The following CTNND2 variants were observed in gnomAD, a reference collection of about 807,000 sequenced individuals.
CTNND2 encodes the protein catenin delta-2.
Under a neutral mutation model 144.4 loss-of-function variants are expected in CTNND2, and 22 were observed. That is an observed-to-expected ratio of 0.15 (90% CI 0.11 to 0.22). CTNND2 has a LOEUF of 0.22. CTNND2 is among the 10% of genes least tolerant of loss of function. The pLI, the probability that CTNND2 is intolerant of heterozygous loss-of-function variation, is 1.00. For synonymous variants in CTNND2, 751 were observed against 695.6 expected (o/e 1.08, Z -1.25); for missense variants, 1,353 against 1,618.8 (o/e 0.84, Z 2.82).
chr5:11,649,265 C>T (rs937051355), intron 2 of CTNND2, among the ~76,000 whole-genome samples: 1 of 152,104 alleles, frequency 6.6e-6, no homozygotes, highest in South Asian at 2.1e-4. Context: ...AATTTGTACC[C>T]TATATAACTG....
chr5:11,390,705 A>G (rs973195056), intron 6 of CTNND2, among the ~76,000 whole-genome samples: 34 of 152,334 alleles, frequency 2.2e-4, no homozygotes, highest in African/African-American at 8.2e-4. Flanking sequence ...CAGCCGGGCC[A>G]ACAGTGTCAG....
At chr5:10,992,471 G>C (rs1029941082) in intron 19 of CTNND2, 80 bp downstream of exon 19, 7 of 1,591,166 alleles carry the variant, frequency 4.4e-6, no homozygotes, top group Non-Finnish European at 6.0e-6. Context: ...TCTGAGTACG[G>C]GTTGGCTCAC....
intron 2 of CTNND2, chr5:11,589,076 C>T: frequency 1.0e-6 from 1 of 972,882 alleles, no homozygotes; most frequent in Non-Finnish European, 1.2e-6. Flanking sequence ...TGGTTGCTGT[C>T]TTAAAAGAGA....
intron 9 of CTNND2, among the ~76,000 whole-genome samples, chr5:11,258,754 G>A (rs1744545113): frequency 6.6e-6 from 1 of 152,156 alleles, no homozygotes; most frequent in African/African-American, 2.4e-5. Flanking sequence ...AGGATTTTAG[G>A]TCATTATTAA....
chr5:11,698,438 G>A (rs56320806), intron 2 of CTNND2, among the ~76,000 whole-genome samples: 19,867 of 151,672 alleles, frequency 0.13, 4,323 homozygotes, highest in African/African-American at 0.46. Context: ...AAAGGCATGC[G>A]CCACCACGTC....
chr5:11,267,599 T>G (rs917095672), intron 9 of CTNND2, among the ~76,000 whole-genome samples: 8 of 152,206 alleles, frequency 5.3e-5, no homozygotes, highest in Non-Finnish European at 1.2e-4. Context: ...ACCAATCTAT[T>G]TGCCCAGCCC....
intron 7 of CTNND2, among the ~76,000 whole-genome samples, chr5:11,377,194 G>T (rs747065233): frequency 3.3e-5 from 5 of 151,866 alleles, no homozygotes; most frequent in Non-Finnish European, 7.4e-5. Flanking sequence ...GGGATTACAG[G>T]CACGCGCCGC....
chr5:11,722,832 G>A (rs567406849), intron 2 of CTNND2, among the ~76,000 whole-genome samples: 6 of 152,262 alleles, frequency 3.9e-5, no homozygotes, highest in Admixed American at 6.5e-5. Flanking sequence ...TGACATTTCG[G>A]TGAGGACACA....
intron 2 of CTNND2, among the ~76,000 whole-genome samples, chr5:11,651,456 T>C (rs1230492285): frequency 6.6e-6 from 1 of 152,226 alleles, no homozygotes; most frequent in Non-Finnish European, 1.5e-5. Context: ...AATGTGAGGT[T>C]GGATCCCCCA....
At chr5:11,535,928 C>G (rs1234641584) in intron 3 of CTNND2, among the ~76,000 whole-genome samples, 1 of 152,206 alleles carries the variant, frequency 6.6e-6, no homozygotes, top group Admixed American at 6.5e-5. Context: ...CTTTCCTCAT[C>G]TGTAAAACAT....
chr5:11,381,875 G>A (rs944444936), intron 7 of CTNND2, among the ~76,000 whole-genome samples: 6 of 152,162 alleles, frequency 3.9e-5, no homozygotes, highest in Non-Finnish European at 7.3e-5. Context: ...GCTAAGGCAG[G>A]AGAATGGCGT....
chr5:11,257,621 T>C (rs933186302), intron 9 of CTNND2, among the ~76,000 whole-genome samples: 1 of 152,140 alleles, frequency 6.6e-6, no homozygotes, highest in African/African-American at 2.4e-5. Flanking sequence ...AAACCACCCT[T>C]ATGATTCAAT....
chr5:10,994,200 A>T (rs1367085017), intron 18 of CTNND2, among the ~76,000 whole-genome samples: 1 of 138,372 alleles, frequency 7.2e-6, no homozygotes, highest in East Asian at 2.1e-4. Context: ...GCTTGGAAGG[A>T]AAAACCAAGC....
intron 16 of CTNND2, among the ~76,000 whole-genome samples, chr5:11,069,784 G>C (rs1368974609): frequency 6.6e-6 from 1 of 152,170 alleles, no homozygotes; most frequent in East Asian, 1.9e-4. Flanking sequence ...GGAGTATAGA[G>C]AAATCTTTGG....
chr5:11,110,920 T>C lies in CTNND2; in HGVS notation c.2401A>G (p.Lys801Glu). 6.2e-7 allele frequency: 1 copy of C among 1,614,162 alleles called. No homozygotes were observed. The highest frequency in any genetic ancestry group is 8.5e-7 in the Non-Finnish European group (1 of 1,180,024). The change falls in exon 14 of 22, where the codon AAG becomes GAG. Residue 801 changes from lysine to glutamate, a missense_variant. This residue lies in a region of CTNND2 where 459 missense variants were observed against 674.3 expected (regional missense o/e 0.68). Transcript: ENST00000304623. The stretch of plus-strand genomic sequence containing the variant: ...CAGCACCCAGAGCTCTCAGCATCCT[T>C]GCCATTGGCCTCGCCACAGAGTAGC... The part of the protein sequence containing the change: ...DGLLCGEANG[K>E]DAESSGCWGK...
At chr5:11,240,547 CCAACACACACACT>C (rs1742243853) in intron 9 of CTNND2, among the ~76,000 whole-genome samples, 1 of 50,770 alleles carries the variant, frequency 2.0e-5, no homozygotes, top group African/African-American at 1.7e-4. Flanking sequence ...ACACACACAC[CCAACACACACACT>C]CAAAACACAC....
chr5:11,263,904 G>A (rs1745173660), intron 9 of CTNND2, among the ~76,000 whole-genome samples: 1 of 152,232 alleles, frequency 6.6e-6, no homozygotes, highest in South Asian at 2.1e-4. Context: ...TAGCTCAGAT[G>A]CAGTGGATTA....
intron 16 of CTNND2, among the ~76,000 whole-genome samples, chr5:11,027,772 T>C (rs533445463): frequency 1.1e-3 from 170 of 152,304 alleles, no homozygotes; most frequent in African/African-American, 3.9e-3. Context: ...CACACCAAGG[T>C]ACCCCAAGGG....
intron 2 of CTNND2, among the ~76,000 whole-genome samples, chr5:11,609,420 G>A (rs186768424): frequency 2.7e-4 from 41 of 152,044 alleles, no homozygotes; most frequent in African/African-American, 7.7e-4. Flanking sequence ...CTCTTTAAAC[G>A]TATGAAATTT....
Sources: gnomAD v4.1 joint callset for allele counts (sites outside exome capture counted in the v4.1 genomes callset) on GRCh38, gnomAD v4.1.1 for gene constraint, gnomAD v4.1.1 regional missense constraint, MANE v1.5 for transcripts, NCBI Gene and HGNC (gene_info 2026-07-23, HGNC 2026-07-21) for gene names.